Variants in NLGN4X observed in about 807,000 individuals in gnomAD.
NLGN4X encodes the protein neuroligin-4, X-linked.
In NLGN4X, 3 loss-of-function variants were observed where a neutral mutation model predicts 40.3. That is an observed-to-expected ratio of 0.07 (90% CI 0.03 to 0.19). The LOEUF is 0.19. Among genes scored for constraint, NLGN4X ranks in the 10% least tolerant of loss-of-function variants. NLGN4X has a pLI of 1.00. For synonymous variants in NLGN4X, 270 were observed against 306.8 expected (o/e 0.88, Z 1.25); for missense variants, 382 against 708.3 (o/e 0.54, Z 5.23).
At chrX:6,028,756 A>T (rs1477464144) in intron 3 of NLGN4X, among the ~76,000 whole-genome samples, 3 of 112,428 alleles carry the variant, frequency 2.7e-5, no homozygotes, top group Non-Finnish European at 1.9e-5. Flanking sequence ...TTAATCGTAG[A>T]TCATCAATGG....
At chrX:6,167,069 CAAAAAAAAAA>C (rs869227439) in intron 1 of NLGN4X, among the ~76,000 whole-genome samples, 3 of 59,290 alleles carry the variant, frequency 5.1e-5, no homozygotes, top group Non-Finnish European at 8.8e-5. Flanking sequence ...GAAACTGTCT[CAAAAAAAAAA>C]AAAAAAAAAA....
intron 1 of NLGN4X, among the ~76,000 whole-genome samples, chrX:6,161,918 A>G (rs752929430): frequency 8.9e-6 from 1 of 112,008 alleles, no homozygotes; most frequent in African/African-American, 3.2e-5. Context: ...ATATGAACAT[A>G]TATATTCGAA....
At chrX:5,991,211 G>A (rs758977528) in intron 3 of NLGN4X, among the ~76,000 whole-genome samples, 3 of 110,407 alleles carry the variant, frequency 2.7e-5, no homozygotes, top group Non-Finnish European at 5.7e-5. Context: ...GAGATTCTAG[G>A]GTAGAAAAAG....
At chrX:6,192,115 T>C (rs112589929) in intron 1 of NLGN4X, among the ~76,000 whole-genome samples, 3,195 of 110,914 alleles carry the variant, frequency 0.029, 123 homozygotes, top group African/African-American at 0.097. Flanking sequence ...GAGCGTTGCA[T>C]AGACATTGTT....
chrX:6,094,326 A>T, intron 2 of NLGN4X, among the ~76,000 whole-genome samples: 1 of 111,022 alleles, frequency 9.0e-6, no homozygotes, highest in South Asian at 3.8e-4. Flanking sequence ...AAGAAGGTAT[A>T]AAAAGGAAAG....
chrX:6,180,440 C>T (rs940865034), intron 1 of NLGN4X, among the ~76,000 whole-genome samples: 1 of 111,079 alleles, frequency 9.0e-6, no homozygotes, highest in Non-Finnish European at 1.9e-5. Flanking sequence ...TGTAAGAAAG[C>T]TCACTCCCCC....
chrX:6,188,767 G>T (rs1291639070), intron 1 of NLGN4X, among the ~76,000 whole-genome samples: 2 of 111,629 alleles, frequency 1.8e-5, no homozygotes, highest in African/African-American at 6.5e-5. Context: ...TGCCATGAAA[G>T]GAATTTTTCT....
intron 2 of NLGN4X, among the ~76,000 whole-genome samples, chrX:6,094,981 A>T (rs767584050): frequency 4.6e-5 from 5 of 109,496 alleles, no homozygotes; most frequent in African/African-American, 1.0e-4. Context: ...TTTTTTTTTT[A>T]AAAAGAGTAA....
At chrX:5,942,946 A>T (rs2146913821) in intron 3 of NLGN4X, among the ~76,000 whole-genome samples, 1 of 111,439 alleles carries the variant, frequency 9.0e-6, no homozygotes, top group South Asian at 3.8e-4. Flanking sequence ...TCAAACATGA[A>T]TCTAGGTACT....
chrX:5,928,729 T>A (rs771956832), intron 3 of NLGN4X, among the ~76,000 whole-genome samples: 2 of 112,216 alleles, frequency 1.8e-5, no homozygotes, highest in Admixed American at 1.9e-4. Context: ...TTGGTGCCCT[T>A]CCAACCATCA....
chrX:5,967,640 C>T (rs1014920095), intron 3 of NLGN4X, among the ~76,000 whole-genome samples: 4 of 111,626 alleles, frequency 3.6e-5, no homozygotes, highest in Non-Finnish European at 5.6e-5. Flanking sequence ...TGGGAAAATG[C>T]TTCTAGTCAA....
At chrX:6,071,573 C>A (rs2038064609) in intron 2 of NLGN4X, among the ~76,000 whole-genome samples, 1 of 111,538 alleles carries the variant, frequency 9.0e-6, no homozygotes, top group African/African-American at 3.3e-5. Flanking sequence ...AAGCCCTAAT[C>A]AGATGGATCC....
At chrX:5,967,544 G>A (rs1305321762) in intron 3 of NLGN4X, among the ~76,000 whole-genome samples, 1 of 110,948 alleles carries the variant, frequency 9.0e-6, no homozygotes, top group African/African-American at 3.3e-5. Flanking sequence ...TTAGTTAGAA[G>A]CTGAGTCATT....
intron 2 of NLGN4X, among the ~76,000 whole-genome samples, chrX:6,049,414 A>G (rs748101563): frequency 1.6e-3 from 173 of 107,622 alleles, no homozygotes; most frequent in African/African-American, 5.5e-3. Flanking sequence ...GGAGGCTGAA[A>G]TAAGAGAATT....
chrX:6,117,934 A>T (rs1333601518), intron 2 of NLGN4X, among the ~76,000 whole-genome samples: 1 of 109,347 alleles, frequency 9.1e-6, no homozygotes, highest in Non-Finnish European at 1.9e-5. Flanking sequence ...ATAGTCCATC[A>T]GTGAGGTGCA....
intron 3 of NLGN4X, among the ~76,000 whole-genome samples, chrX:5,938,930 C>A (rs759137394): frequency 2.3e-4 from 25 of 108,681 alleles, no homozygotes; most frequent in Non-Finnish European, 4.6e-4. Context: ...CCAATCTGAG[C>A]TACAGAGATT....
At chrX:6,131,667 A>G (rs1037094017) in intron 2 of NLGN4X, among the ~76,000 whole-genome samples, 1 of 112,291 alleles carries the variant, frequency 8.9e-6, no homozygotes, top group Non-Finnish European at 1.9e-5. Flanking sequence ...GATCAATGAG[A>G]TAATACATGC....
chrX:6,024,664 A>G (rs936662796), intron 3 of NLGN4X, among the ~76,000 whole-genome samples: 2 of 111,422 alleles, frequency 1.8e-5, no homozygotes, highest in African/African-American at 6.5e-5. Context: ...TACGCTAATT[A>G]TACACTAATT....
intron 3 of NLGN4X, among the ~76,000 whole-genome samples, chrX:6,021,047 TCCCTCCCTCCCTCCCTCC>T (rs2036529468): frequency 3.3e-4 from 8 of 24,179 alleles, no homozygotes; most frequent in African/African-American, 5.1e-4. Context: ...TCTCTCTCTC[TCCCTCCCTCCCTCCCTCC>T]CTCCCTCCCT....
Sources: gnomAD v4.1 joint callset for allele counts (sites outside exome capture counted in the v4.1 genomes callset) on GRCh38, gnomAD v4.1.1 for gene constraint, MANE v1.5 for transcripts, NCBI Gene and HGNC (gene_info 2026-07-23, HGNC 2026-07-21) for gene names.